PTPRN2: variants seen among roughly 807,000 people sequenced by gnomAD.
PTPRN2 encodes the protein receptor-type tyrosine-protein phosphatase N2.
In PTPRN2, 74 loss-of-function variants were observed where a neutral mutation model predicts 118.8. That is an observed-to-expected ratio of 0.62 (90% confidence interval 0.52 to 0.76). PTPRN2 has a LOEUF of 0.76. Ranked by LOEUF, PTPRN2 falls within the 30% of genes least tolerant of loss-of-function variation. The pLI is 0.00. For synonymous variants in PTPRN2, 641 were observed against 608.0 expected (o/e 1.05, Z -0.80); for missense variants, 1,481 against 1,394.4 (o/e 1.06, Z -0.99).
At chr7:158,241,049 G>A (rs868704973) in intron 3 of PTPRN2, among the ~76,000 whole-genome samples, 4 of 152,174 alleles carry the variant, frequency 2.6e-5, no homozygotes, top group East Asian at 1.9e-4. Context: ...TGTGAACGTG[G>A]ATCATGGTCT....
intron 2 of PTPRN2, among the ~76,000 whole-genome samples, chr7:158,366,338 A>G (rs1266789213): frequency 5.5e-5 from 8 of 145,034 alleles, no homozygotes; most frequent in Non-Finnish European, 1.2e-4. Flanking sequence ...CACCCACAGC[A>G]TCCCCGGGAG....
intron 17 of PTPRN2, among the ~76,000 whole-genome samples, chr7:157,592,273 A>G (rs189931870): frequency 6.6e-6 from 1 of 152,354 alleles, no homozygotes; most frequent in Non-Finnish European, 1.5e-5. Context: ...AAACAGTAAG[A>G]AAAATGGTTC....
In PTPRN2 at chr7:157,617,483, A is replaced by G. The variant is rs913474535; in HGVS notation, c.2344+3879T>C. On this transcript the variant is annotated intron_variant, in intron 15 of 22. Transcript: ENST00000389418. The surrounding 1 kb of genome is among the most constrained non-coding windows in gnomAD (Gnocchi z 7.5). ...GGGCGACGCTGGCTCACGATGCCCC[A>G]GTGATGCTGTGGTTAGGACGCTGTT... The G allele has an allele frequency of 1.3e-5, 2 of 148,624 alleles. No homozygotes were observed. Among genetic ancestry groups the G allele is most frequent in the Non-Finnish European group, 3.0e-5 (2 of 67,444 alleles). The allele number at this position is 148,624 out of a possible 1,614,324, so 9.2% of individuals were successfully genotyped here. A position where few individuals can be genotyped will look rare whatever the true frequency, so the allele number is the denominator to read the frequency against.
chr7:157,671,931 T>C lies in PTPRN2; in HGVS notation c.2001+10794A>G, dbSNP rs766065171. Among the ~76,000 whole-genome samples the C allele has an allele frequency of 7.2e-5, 11 of 152,000 alleles. No homozygotes were observed. The highest frequency in any genetic ancestry group is 1.3e-4 in the Non-Finnish European group (9 of 67,986). On this transcript the variant is annotated intron_variant, in intron 13 of 22. Coordinates refer to ENST00000389418, the MANE Select transcript of PTPRN2 (RefSeq NM_002847.5). This position sits in a 1 kb window ranked among gnomAD's most constrained non-coding sequence, Gnocchi z 4.1. Reference sequence around the variant, plus strand: ...TCTGTACGGGGAGTTTCTAAAAGTCTACGCTGTACCCCAAGAAGGGGACGG... The same window carrying C: ...TCTGTACGGGGAGTTTCTAAAAGTCCACGCTGTACCCCAAGAAGGGGACGG...
intron 4 of PTPRN2, among the ~76,000 whole-genome samples, chr7:158,200,238 A>G (rs2150731265): frequency 6.6e-6 from 1 of 152,354 alleles, no homozygotes; most frequent in Middle Eastern, 3.4e-3. Flanking sequence ...CCATGGATTA[A>G]TCAGGCAACA....
At chr7:158,171,098 A>AT (rs1823535627) in intron 5 of PTPRN2, among the ~76,000 whole-genome samples, 2 of 128,252 alleles carry the variant, frequency 1.6e-5, no homozygotes, top group South Asian at 4.9e-4. Flanking sequence ...ACACATATAT[A>AT]TATACACATA....
At position 157,652,777 on chromosome 7, in the gene PTPRN2, C is replaced by G. The variant is rs1661383950; in HGVS notation, c.2196+3580G>C. Among the ~76,000 whole-genome samples the G allele has an allele frequency of 2.6e-5, 4 of 152,236 alleles. No individual in the cohort carries two copies. The South Asian group carries it at 8.3e-4, about 32-fold the overall frequency. On this transcript the variant is annotated intron_variant, in intron 14 of 22. Coordinates refer to ENST00000389418, the MANE Select transcript of PTPRN2 (RefSeq NM_002847.5). ...CAGGCACCTGCCGCCTCCTGTCTCC[C>G]AGGGAAGCCTCCTTCTCTCACACCC...
chr7:158,406,689 A>G (rs1316107209), intron 2 of PTPRN2, among the ~76,000 whole-genome samples: 1 of 152,112 alleles, frequency 6.6e-6, no homozygotes, highest in Non-Finnish European at 1.5e-5. Flanking sequence ...CTGTTCACAC[A>G]CCTCTAGAAG....
intron 2 of PTPRN2, among the ~76,000 whole-genome samples, chr7:158,400,586 G>A (rs551205176): frequency 7.2e-5 from 11 of 152,250 alleles, no homozygotes; most frequent in South Asian, 2.1e-4. Context: ...CACAAGATGC[G>A]CTTTGTCATC....
chr7:158,314,632 T>C (rs1802138970), intron 3 of PTPRN2, among the ~76,000 whole-genome samples: 1 of 152,114 alleles, frequency 6.6e-6, no homozygotes, highest in Admixed American at 6.5e-5. Flanking sequence ...GCCTGGAGTG[T>C]GCATCAGGGA....
intron 1 of PTPRN2, among the ~76,000 whole-genome samples, chr7:158,522,326 G>A (rs10232989): frequency 0.016 from 435 of 26,632 alleles, 11 homozygotes; most frequent in Admixed American, 0.019. Context: ...GTAGTGGCTC[G>A]GGAGGGAGGT....
rs1219880816 is a variant in PTPRN2, at chr7:157,990,107, G to A, written c.1723+91191C>T. On this transcript the variant is annotated intron_variant, in intron 11 of 22. Coordinates refer to ENST00000389418, the MANE Select transcript of PTPRN2 (RefSeq NM_002847.5). This position sits in a 1 kb window ranked among gnomAD's most constrained non-coding sequence, Gnocchi z 4.3. ...AGAAAAATGCAAGTTGCTCTTCTGC[G>A]CTCCAAATACACCGAGACGAAAACA... is the stretch of plus-strand genomic sequence containing the variant. 6.6e-6 allele frequency among the ~76,000 whole-genome samples: 1 copy of A among 151,976 alleles called. No individual in the cohort carries two copies. Among genetic ancestry groups the A allele is most frequent in the African/African-American group, 2.4e-5 (1 of 41,350 alleles).
intron 3 of PTPRN2, among the ~76,000 whole-genome samples, chr7:158,266,704 C>T (rs532792352): frequency 3.3e-5 from 5 of 152,304 alleles, no homozygotes; most frequent in South Asian, 4.2e-4. Context: ...AGCCACTTCC[C>T]GGCTTTAACC....
At chr7:157,883,174 G>T (rs912278181) in intron 12 of PTPRN2, among the ~76,000 whole-genome samples, 2 of 150,074 alleles carry the variant, frequency 1.3e-5, no homozygotes, top group Admixed American at 1.3e-4. Context: ...ATGACTGTCG[G>T]AGATCAAAAC....
intron 2 of PTPRN2, among the ~76,000 whole-genome samples, chr7:158,476,329 A>G (rs1820259991): frequency 6.6e-6 from 1 of 152,258 alleles, no homozygotes; most frequent in African/African-American, 2.4e-5. Context: ...AACCAGACAC[A>G]TCGTTTCTCC....
At chr7:158,336,872 C>T (rs1341043629) in intron 2 of PTPRN2, among the ~76,000 whole-genome samples, 14 of 103,572 alleles carry the variant, frequency 1.4e-4, no homozygotes, top group Admixed American at 8.3e-4. Context: ...AGCTGTCGCC[C>T]GCACAGGTCA....
In PTPRN2 at chr7:157,782,503, C is replaced by T. The variant is rs536375629; in HGVS notation, c.1789-99566G>A. Among the ~76,000 whole-genome samples, 80 of 152,316 alleles carry T rather than the reference C, an allele frequency of 5.3e-4. 1 individual carries two copies. The highest frequency in any genetic ancestry group is 1.9e-3 in the African/African-American group (79 of 41,572). On this transcript the variant is annotated intron_variant, in intron 12 of 22. Transcript: ENST00000389418. The stretch of plus-strand genomic sequence containing the variant: ...TTACTGATCATCCAGGCATGGGAAG[C>T]TGATCAGGGTCAACCTATGAAATCA...
At chr7:157,849,371 A>G (rs918726515) in intron 12 of PTPRN2, among the ~76,000 whole-genome samples, 10 of 152,176 alleles carry the variant, frequency 6.6e-5, no homozygotes, top group Admixed American at 3.3e-4. Context: ...GCCGAGGCTC[A>G]TGTGGGTGTG....
At chr7:158,142,122 C>T (rs1358015918) in intron 6 of PTPRN2, among the ~76,000 whole-genome samples, 1 of 152,216 alleles carries the variant, frequency 6.6e-6, no homozygotes, top group African/African-American at 2.4e-5. Flanking sequence ...GGGGCTGCCC[C>T]TCCCACGAAC....
Sources: allele counts gnomAD v4.1 joint callset (sites outside exome capture counted in the v4.1 genomes callset), GRCh38; gene constraint gnomAD v4.1.1; non-coding constraint Gnocchi (gnomAD v3.1); transcripts MANE v1.5; gene names NCBI Gene and HGNC (gene_info 2026-07-23, HGNC 2026-07-21).